The following ZNF512B variants were observed in gnomAD, a reference collection of about 807,000 sequenced individuals.
ZNF512B encodes zinc finger protein 512B.
In ZNF512B, 22 loss-of-function variants were observed where a neutral mutation model predicts 87.8. The observed-to-expected ratio is 0.25, with a 90% CI of 0.18 to 0.36. The LOEUF is 0.36. Among genes scored for constraint, ZNF512B ranks in the 10% least tolerant of loss-of-function variants. The pLI, the probability that ZNF512B is intolerant of heterozygous loss-of-function variation, is 1.00. For missense variants in ZNF512B, 1,060 were observed against 1,231.6 expected, an observed-to-expected ratio of 0.86 and a Z score of 2.09; for synonymous variants, 524 against 490.9, an observed-to-expected ratio of 1.07 and a Z score of -0.89.
chr20:63,960,749 C>T (rs1459868812), intron 16 of ZNF512B, among the ~76,000 whole-genome samples: 2 of 132,948 alleles, frequency 1.5e-5, no homozygotes, highest in African/African-American at 5.9e-5. Flanking sequence ...CGGGACCAGG[C>T]AAGCACCTGC....
chr20:63,964,458 C>T (rs1381224705), intron 6 of ZNF512B, 32 bp downstream of exon 6: 2 of 1,613,424 alleles, frequency 1.2e-6, no homozygotes, highest in Admixed American at 3.3e-5. Flanking sequence ...CCGAGCCTGC[C>T]CCGGCCGCCA....
chr20:63,962,160 TGGGCTTG>T, intron 14 of ZNF512B, 106 bp downstream of exon 14: 2 of 1,304,634 alleles, frequency 1.5e-6, no homozygotes, highest in Non-Finnish European at 2.1e-6. Flanking sequence ...AGGCCTGGGG[TGGGCTTG>T]GGCACCTCCT....
chr20:63,964,134 CCTT>C lies in ZNF512B; in HGVS notation c.1414_1416del (p.Lys472del), dbSNP rs2058892851. ...CTGACAGTGATGGGGGCAGCTGGCA[CCTT>C]CTTCCGGGCGTCCTCAGGGCCTGGC... On this transcript the variant is annotated inframe_deletion, in exon 8 of 17. Transcript: ENST00000369888. The C allele has an allele frequency of 6.2e-7, 1 of 1,606,018 alleles. No individual in the cohort carries two copies. The highest frequency in any genetic ancestry group is 8.5e-7 in the Non-Finnish European group (1 of 1,177,228).
chr20:63,967,263 T>G, intron 3 of ZNF512B, 118 bp downstream of exon 3: 3 of 1,444,864 alleles, frequency 2.1e-6, no homozygotes, highest in Non-Finnish European at 1.9e-6. Flanking sequence ...GCCAGGCCAG[T>G]GCCCACATCT....
rs773482008 is a variant in ZNF512B, at chr20:63,964,549, G to A, written c.1202C>T (p.Ala401Val). ...GGACGCAGGGCCTGCAGCCTTCAGT[G>A]CCTCCATGCCCCCTGACGGCCTGCT... ...PGSRPSGGMEALKAAGPASPP... is the reference protein window; with the variant it reads ...PGSRPSGGMEVLKAAGPASPP... The change falls in exon 6 of 17, where the codon GCA (alanine) becomes GTA (valine). Residue 401 changes from alanine (A) to valine (V), a missense_variant. Ala to Val is a moderately conservative substitution (Grantham distance 64). Around this residue, in one of 9 missense-constraint regions of ZNF512B, gnomAD observed 212 missense variants for 207.6 expected, o/e 1.02. Coordinates refer to ENST00000369888, the MANE Select transcript of ZNF512B (RefSeq NM_020713.3). The A allele has an allele frequency of 3.3e-5, 54 of 1,612,780 alleles. No individual in the cohort carries two copies. In the Admixed American group the frequency reaches 8.8e-4, roughly 26 times the overall value.
At position 63,967,418 on chromosome 20, in the gene ZNF512B, C is replaced by T. The variant is rs1415399810; in HGVS notation, c.227G>A (p.Arg76Gln). ...SDKTEGKKKGRPKAENQALRD... is the reference protein window; with the variant it reads ...SDKTEGKKKGQPKAENQALRD... ...GAGGGCCTGGTTCTCGGCTTTTGGC[C>T]GCCCCTTTTTCTTCCCTTCTGTCTT... is the stretch of plus-strand genomic sequence containing the variant. Residue 76 changes from arginine to glutamine, a missense_variant, in exon 3 of 17, where the codon CGG (arginine) becomes CAG (glutamine). Arg to Gln is a conservative substitution (Grantham distance 43). Transcript: ENST00000369888. The T allele has an allele frequency of 3.1e-6, 5 of 1,612,912 alleles. No homozygotes were observed. The highest frequency in any genetic ancestry group is 1.7e-5 in the Admixed American group (1 of 59,928).
Position 63,966,674 on chromosome 20 carries a change from G to A in ZNF512B, c.501C>T (p.Pro167=). 6.2e-7 allele frequency: 1 copy of A among 1,613,080 alleles called. No homozygotes were observed. ...KHRIWNHMDR[P]LPASKPGPIS... ...TGGGCCCAGGCTTGGAGGCAGGCAG[G>A]GGTCGGTCCATGTGGTTCCAGATCC... The change falls in exon 5 of 17, where the codon CCC becomes CCT. Residue 167 remains proline, a synonymous_variant. Transcript: ENST00000369888.
chr20:63,961,217 C>G lies in ZNF512B; in HGVS notation c.2427+92G>C. 1 of 1,190,116 alleles carries G rather than the reference C, an allele frequency of 8.4e-7. No homozygotes were observed. Among genetic ancestry groups the G allele is most frequent in the Non-Finnish European group, 1.2e-6 (1 of 816,854 alleles). 73.7% of individuals were successfully genotyped at this position (1,190,116 alleles called of 1,614,324 possible). On this transcript the variant is annotated intron_variant, in intron 16 of 16. Transcript: ENST00000369888. The surrounding 1 kb of genome is among the most constrained non-coding windows in gnomAD (Gnocchi z 6.4). ...TCCCAGGCACACCCCATGCAGGCCA[C>G]TGACCTCTCTACCCCCAAGGGGTGC...
In ZNF512B at chr20:63,962,777, G is replaced by C; in HGVS notation, c.1973C>G (p.Pro658Arg). ...HVRSEHTAPP[P>R]EEPTDKSPEA... ...AGGGGACTTGTCTGTGGGCTCCTCA[G>C]GGGGCTGGAGGGCAGGAAGGCATGG... is the stretch of plus-strand genomic sequence containing the variant. The change falls in exon 13 of 17, where the codon CCT becomes CGT. Residue 658 changes from proline to arginine, a missense_variant. Pro to Arg is a moderately radical substitution (Grantham distance 103, BLOSUM62 -2). Coordinates refer to ENST00000369888, the MANE Select transcript of ZNF512B (RefSeq NM_020713.3). 1 of 1,593,304 alleles carries C rather than the reference G, an allele frequency of 6.3e-7. No individual in the cohort carries two copies. Among genetic ancestry groups the C allele is most frequent in the East Asian group, 2.3e-5 (1 of 44,354 alleles).
At position 63,962,751 on chromosome 20, in the gene ZNF512B, C is replaced by T. The variant is rs141221626; in HGVS notation, c.1999G>A (p.Glu667Lys). Residue 667 changes from glutamate to lysine, a missense_variant, in exon 13 of 17, where the codon GAG (glutamate) becomes AAG (lysine). Glu to Lys is a moderately conservative substitution (Grantham distance 56). Around this residue, in one of 9 missense-constraint regions of ZNF512B, gnomAD observed 165 missense variants for 173.0 expected, o/e 0.95. Coordinates refer to ENST00000369888, the MANE Select transcript of ZNF512B (RefSeq NM_020713.3). ...TCCACACCCAGCGGGTCCTCAGCCT[C>T]AGGGGACTTGTCTGTGGGCTCCTCA... Reference protein sequence around the residue: ...PPEEPTDKSPEAEDPLGVERT... With the variant: ...PPEEPTDKSPKAEDPLGVERT... The T allele has an allele frequency of 5.6e-6, 9 of 1,603,464 alleles. No individual in the cohort carries two copies. The highest frequency in any genetic ancestry group is 1.3e-5 in the African/African-American group (1 of 74,802).
At position 63,964,494 on chromosome 20, in the gene ZNF512B, C is replaced by T. The variant is rs1911110713; in HGVS notation, c.1257G>A (p.Lys419=). The T allele has an allele frequency of 6.2e-7, 1 of 1,613,008 alleles. No individual in the cohort carries two copies. Among genetic ancestry groups the T allele is most frequent in the African/African-American group, 1.3e-5 (1 of 75,052 alleles). ...CCCCTGGAGCTCTCATCTTACTGTG[C>T]TTTGTGCGCTCCGGGTCCTCCTCAG... ...SPPEEDPERT[K]HRRKQKTPKK... is the part of the protein sequence containing the mutation. The change falls in exon 6 of 17, where the codon AAG becomes AAA. Residue 419 remains lysine, a synonymous_variant. Coordinates refer to ENST00000369888, the MANE Select transcript of ZNF512B (RefSeq NM_020713.3).
rs1039067325 is a variant in ZNF512B at position 63,963,176 on chromosome 20, G to A, written c.1887C>T (p.Ser629=). The A allele has an allele frequency of 1.9e-6, 3 of 1,548,376 alleles. No homozygotes were observed. The African/African-American group carries it at 4.1e-5, about 21-fold the overall frequency. ...GKPPCEVDSP[S]FPCTHCGKTY... ...TCTTGCCACAGTGGGTGCAGGGGAA[G>A]GAGGGGCTGTCCACCTCGCAGGGCG... is the stretch of plus-strand genomic sequence containing the variant. Residue 629 remains serine, a synonymous_variant, in exon 12 of 17, where the codon TCC becomes TCT. Coordinates refer to ENST00000369888, the MANE Select transcript of ZNF512B (RefSeq NM_020713.3).
At chr20:63,960,223 T>A in intron 16 of ZNF512B, 84 bp from the exon 17 acceptor site, 2 of 1,558,578 alleles carry the variant, frequency 1.3e-6, no homozygotes, top group Non-Finnish European at 1.7e-6. Flanking sequence ...TGAAGACCTG[T>A]CAGCCTTCAG....
intron 1 of ZNF512B, among the ~76,000 whole-genome samples, chr20:63,969,558 C>T (rs2058959642): frequency 6.7e-6 from 1 of 148,752 alleles, no homozygotes; most frequent in African/African-American, 2.4e-5. Context: ...GCGCGGGCCT[C>T]GGCCTGGCCG....
Position 63,957,327 on chromosome 20 carries a change from C to A in ZNF512B, c.*2561G>T, listed in dbSNP as rs1250897594. On this transcript the variant is annotated 3_prime_UTR_variant, in exon 17 of 17. Coordinates refer to ENST00000369888, the MANE Select transcript of ZNF512B (RefSeq NM_020713.3). Reference sequence around the variant, plus strand: ...ATCTGCAGAAAGGGCCCCGACTGGGCCTCGGGCAGGGCCGGCGCCCACCAC... The same window carrying A: ...ATCTGCAGAAAGGGCCCCGACTGGGACTCGGGCAGGGCCGGCGCCCACCAC... 1.3e-5 allele frequency: 2 copies of A among 152,474 alleles called. No homozygotes were observed. The highest frequency in any genetic ancestry group is 2.9e-5 in the Non-Finnish European group (2 of 68,058). 9.4% of individuals were successfully genotyped at this position (152,474 alleles called of 1,614,324 possible). A position where few individuals can be genotyped will look rare whatever the true frequency, so the allele number is the denominator to read the frequency against.
Position 63,963,436 on chromosome 20 carries a change from G to A in ZNF512B, c.1703C>T (p.Ser568Phe). 1 of 1,547,898 alleles carries A rather than the reference G, an allele frequency of 6.5e-7. No homozygotes were observed. ...GCCCCCTTCGGAGGCCTCGGCGTCA[G>A]AGGGCTGGGGACAGGGTGAGCATCG... ...HTMAEHSAKP[S>F]DAEASEGGEQ... Residue 568 changes from serine (S) to phenylalanine (F), a missense_variant, in exon 11 of 17, where the codon TCT (serine) becomes TTT (phenylalanine). Transcript: ENST00000369888.
At chr20:63,962,466 C>G in intron 13 of ZNF512B, 92 bp from the exon 14 acceptor site, 1 of 1,553,762 alleles carries the variant, frequency 6.4e-7, no homozygotes, top group Non-Finnish European at 8.7e-7. Context: ...CGACACTCGC[C>G]GCAGATGGCG....
intron 1 of ZNF512B, 91 bp downstream of exon 1, chr20:63,969,723 C>G (rs1325255460): frequency 6.9e-6 from 1 of 143,898 alleles, no homozygotes; most frequent in African/African-American, 2.5e-5. Flanking sequence ...GCCCGGCCCC[C>G]TCCTTGGCCT....
intron 16 of ZNF512B, among the ~76,000 whole-genome samples, chr20:63,960,540 G>A (rs1465216673): frequency 8.3e-5 from 9 of 108,894 alleles, no homozygotes; most frequent in Admixed American, 8.7e-5. Context: ...GGACCAGGCA[G>A]GCACCTGCCG....
Sources: allele counts gnomAD v4.1 joint callset (sites outside exome capture counted in the v4.1 genomes callset), GRCh38; gene constraint gnomAD v4.1.1; regional missense constraint gnomAD v4.1.1; non-coding constraint Gnocchi (gnomAD v3.1); transcripts MANE v1.5; gene names NCBI Gene and HGNC (gene_info 2026-07-23, HGNC 2026-07-21).